Variants in CDH13 observed in about 807,000 individuals in gnomAD.
CDH13 encodes cadherin 13.
CDH13 carries 24 observed loss-of-function variants against 63.8 expected under a neutral mutation model. The ratio of observed to expected loss-of-function variants is 0.38; its 90% CI spans 0.27 to 0.53. The LOEUF is 0.53. Among genes scored for constraint, CDH13 ranks in the 20% least tolerant of loss-of-function variants. CDH13 has a pLI of 0.85. For synonymous variants in CDH13, 503 were observed against 355.3 expected (o/e 1.42, Z -4.67); for missense variants, 1,049 against 903.1 (o/e 1.16, Z -2.07).
At chr16:83,589,942 G>T (rs1158495041) in intron 7 of CDH13, among the ~76,000 whole-genome samples, 3 of 152,000 alleles carry the variant, frequency 2.0e-5, no homozygotes, top group African/African-American at 7.3e-5. Context: ...GGCTTAGGAG[G>T]TGGGGGCGGG....
intron 2 of CDH13, among the ~76,000 whole-genome samples, chr16:82,932,679 C>G (rs1447960880): frequency 6.6e-6 from 1 of 152,120 alleles, no homozygotes; most frequent in African/African-American, 2.4e-5. Flanking sequence ...TTAGCATAGA[C>G]CTTTAGGTTT....
At chr16:83,152,375 A>G (rs181862958) in intron 4 of CDH13, among the ~76,000 whole-genome samples, 4 of 152,354 alleles carry the variant, frequency 2.6e-5, no homozygotes, top group Non-Finnish European at 4.4e-5. Context: ...AAATGCATAA[A>G]AATACTATTA....
chr16:83,344,727 C>G (rs766528510), intron 5 of CDH13, 135 bp from the exon 6 acceptor site: 1 of 852,238 alleles, frequency 1.2e-6, no homozygotes, highest in Non-Finnish European at 1.8e-6. Flanking sequence ...AGTGACTATC[C>G]TCTGAGACCA....
chr16:82,716,672 A>T (rs1021716004), intron 1 of CDH13, among the ~76,000 whole-genome samples: 1 of 149,938 alleles, frequency 6.7e-6, no homozygotes, highest in Non-Finnish European at 1.5e-5. Flanking sequence ...GTGGGTATTA[A>T]GGGGGGTGAC....
At chr16:83,755,179 C>T (rs1913403460) in intron 11 of CDH13, among the ~76,000 whole-genome samples, 1 of 152,082 alleles carries the variant, frequency 6.6e-6, no homozygotes, top group South Asian at 2.1e-4. Flanking sequence ...TATTCCAGAA[C>T]TGAAATACAT....
At chr16:82,757,939 G>A (rs911081381) in intron 1 of CDH13, among the ~76,000 whole-genome samples, 7 of 152,126 alleles carry the variant, frequency 4.6e-5, no homozygotes, top group African/African-American at 1.4e-4. Context: ...GTGAGTCACC[G>A]CACCTGGCCG....
intron 3 of CDH13, among the ~76,000 whole-genome samples, chr16:83,052,863 TA>T (rs1320786902): frequency 6.8e-6 from 1 of 147,096 alleles, no homozygotes; most frequent in African/African-American, 2.5e-5. Context: ...CAATGATTAA[TA>T]AAAAAGCTAT....
At chr16:83,213,575 AT>A (rs762955102) in intron 4 of CDH13, among the ~76,000 whole-genome samples, 2 of 152,140 alleles carry the variant, frequency 1.3e-5, no homozygotes, top group Non-Finnish European at 2.9e-5. Context: ...AGAGAAGCCC[AT>A]TCTTGGGAAG....
At chr16:83,674,407 G>A (rs529339146) in intron 9 of CDH13, among the ~76,000 whole-genome samples, 24 of 152,314 alleles carry the variant, frequency 1.6e-4, no homozygotes, top group Non-Finnish European at 3.2e-4. Flanking sequence ...GAGAGAAGGT[G>A]CTCTTATGAG....
At position 83,795,937 on chromosome 16, in the gene CDH13, C is replaced by A. The variant is rs1904278743; in HGVS notation, c.*907C>A. 6.6e-6 allele frequency: 1 copy of A among 152,618 alleles called. No individual in the cohort carries two copies. Among genetic ancestry groups the A allele is most frequent in the Admixed American group, 6.5e-5 (1 of 15,276 alleles). The allele number at this position is 152,618 out of a possible 1,614,324, so 9.5% of individuals were successfully genotyped here. On this transcript the variant is annotated 3_prime_UTR_variant, in exon 14 of 14. Coordinates refer to ENST00000567109, the MANE Select transcript of CDH13 (RefSeq NM_001257.5). ...TGCACCTGTCATCATGGAGGTCATACATGCATACAAAGAGGTGTACAGGTA... is the reference window on the plus strand; with the variant it reads ...TGCACCTGTCATCATGGAGGTCATAAATGCATACAAAGAGGTGTACAGGTA...
chr16:83,373,798 T>A (rs564403432), intron 6 of CDH13, among the ~76,000 whole-genome samples: 1 of 152,234 alleles, frequency 6.6e-6, no homozygotes, highest in Non-Finnish European at 1.5e-5. Context: ...TTCTAACCTA[T>A]CCCTAGACCT....
chr16:83,228,661 C>T (rs1387548713), intron 5 of CDH13, among the ~76,000 whole-genome samples: 1 of 152,190 alleles, frequency 6.6e-6, no homozygotes, highest in Non-Finnish European at 1.5e-5. Flanking sequence ...TGGAAGAAAG[C>T]ATTTAATGGC....
chr16:83,445,127 A>T (rs1598037001), intron 6 of CDH13, among the ~76,000 whole-genome samples: 1 of 151,848 alleles, frequency 6.6e-6, no homozygotes, highest in Non-Finnish European at 1.5e-5. Context: ...CACAGGTGTG[A>T]CCTCCTTCCA....
chr16:83,069,562 A>G (rs2032283543), intron 3 of CDH13, among the ~76,000 whole-genome samples: 1 of 152,168 alleles, frequency 6.6e-6, no homozygotes, highest in Non-Finnish European at 1.5e-5. Flanking sequence ...TCACCTATCT[A>G]AAAAATGCAA....
chr16:83,795,985 C>G lies in CDH13; in HGVS notation c.*955C>G, dbSNP rs542415576. On this transcript the variant is annotated 3_prime_UTR_variant, in exon 14 of 14. Coordinates refer to ENST00000567109, the MANE Select transcript of CDH13 (RefSeq NM_001257.5). ...GTACCATCTTGTATACACATATATA[C>G]CCACATGTACAGACATACATTTATG... 6.5e-6 allele frequency: 1 copy of G among 152,684 alleles called. No individual in the cohort carries two copies. Among genetic ancestry groups the G allele is most frequent in the East Asian group, 1.9e-4 (1 of 5,186 alleles). 9.5% of individuals were successfully genotyped at this position (152,684 alleles called of 1,614,324 possible). A position where few individuals can be genotyped will look rare whatever the true frequency, so the allele number is the denominator to read the frequency against.
At chr16:83,157,323 T>C (rs1489629808) in intron 4 of CDH13, among the ~76,000 whole-genome samples, 3 of 152,156 alleles carry the variant, frequency 2.0e-5, no homozygotes, top group Non-Finnish European at 4.4e-5. Flanking sequence ...GTGAACCATG[T>C]GCCTACCCTT....
intron 1 of CDH13, among the ~76,000 whole-genome samples, chr16:82,723,824 G>A (rs185179208): frequency 8.9e-4 from 136 of 152,282 alleles, no homozygotes; most frequent in African/African-American, 3.2e-3. Flanking sequence ...ATTGTGCCAT[G>A]TGCTAGGTTC....
chr16:82,902,910 C>A (rs2041518470), intron 2 of CDH13, among the ~76,000 whole-genome samples: 1 of 152,140 alleles, frequency 6.6e-6, no homozygotes, highest in Non-Finnish European at 1.5e-5. Context: ...GAAGTCTGGG[C>A]AAATTGGATG....
intron 4 of CDH13, among the ~76,000 whole-genome samples, chr16:83,173,094 T>C (rs2037991480): frequency 6.6e-6 from 1 of 152,130 alleles, no homozygotes; most frequent in African/African-American, 2.4e-5. Context: ...GCAGTTACCC[T>C]GTGCCAGGCT....
Sources: allele counts gnomAD v4.1 joint callset (sites outside exome capture counted in the v4.1 genomes callset), GRCh38; gene constraint gnomAD v4.1.1; transcripts MANE v1.5; gene names NCBI Gene and HGNC (gene_info 2026-07-23, HGNC 2026-07-21).